Variants in PAK1 observed in about 807,000 individuals in gnomAD.
PAK1 encodes serine/threonine-protein kinase PAK 1.
In PAK1, 29 loss-of-function variants were observed where a neutral mutation model predicts 67.4. The ratio of observed to expected loss-of-function variants is 0.43; its 90% CI spans 0.32 to 0.59. The LOEUF (loss-of-function observed/expected upper bound fraction) is 0.59, where lower values mean the gene tolerates loss of function less well. PAK1 is among the 20% of genes least tolerant of loss of function. The pLI is 0.07. For missense variants in PAK1, 337 were observed against 670.7 expected, an observed-to-expected ratio of 0.50 and a Z score of 5.50; for synonymous variants, 223 against 237.4, an observed-to-expected ratio of 0.94 and a Z score of 0.56.
At chr11:77,336,661 C>T (rs938869438) in intron 12 of PAK1, among the ~76,000 whole-genome samples, 3 of 152,096 alleles carry the variant, frequency 2.0e-5, no homozygotes, top group Non-Finnish European at 4.4e-5. Context: ...ATTCCTTGGG[C>T]ACGAGTCCTT....
At chr11:77,383,326 T>C (rs2137183762) in intron 2 of PAK1, among the ~76,000 whole-genome samples, 1 of 150,678 alleles carries the variant, frequency 6.6e-6, no homozygotes, top group South Asian at 2.1e-4. Context: ...GTGTAATTTT[T>C]TTTTTTTTTT....
intron 12 of PAK1, 77 bp from the exon 13 acceptor site, chr11:77,336,359 C>A: frequency 1.8e-6 from 2 of 1,110,098 alleles, no homozygotes; most frequent in South Asian, 3.3e-5. Context: ...TGTGTACCTA[C>A]ACATAGGTGA....
chr11:77,453,517 A>T (rs1225745329), intron 1 of PAK1, among the ~76,000 whole-genome samples: 1 of 71,318 alleles, frequency 1.4e-5, no homozygotes, highest in Admixed American at 1.1e-4. Flanking sequence ...GAGATATATT[A>T]AAAAAAAAAA....
intron 1 of PAK1, among the ~76,000 whole-genome samples, chr11:77,463,587 A>G (rs577175434): frequency 6.6e-6 from 1 of 152,330 alleles, no homozygotes; most frequent in South Asian, 2.1e-4. Context: ...TTAGCTAACA[A>G]TGAAATAGAG....
chr11:77,457,544 C>T (rs765236427), intron 1 of PAK1, among the ~76,000 whole-genome samples: 6 of 152,140 alleles, frequency 3.9e-5, no homozygotes, highest in Non-Finnish European at 8.8e-5. Flanking sequence ...GCACAAACCT[C>T]CAGCAGATAG....
chr11:77,422,511 C>T lies in PAK1; in HGVS notation c.-21-29970G>A, dbSNP rs1043365444. ...CGGAGGTTGCAGTAAGCCGAGATCGCGCCATTGGACTCCAGCCTGGGCAAC... is the reference window on the plus strand; with the variant it reads ...CGGAGGTTGCAGTAAGCCGAGATCGTGCCATTGGACTCCAGCCTGGGCAAC... On this transcript the variant is annotated intron_variant, in intron 1 of 14. Transcript: ENST00000356341. 4.6e-5 allele frequency among the ~76,000 whole-genome samples: 7 copies of T among 151,104 alleles called. No homozygotes were observed. In the South Asian group the frequency reaches 8.4e-4, roughly 18 times the overall value.
At chr11:77,346,976 A>G (rs1944520185) in intron 9 of PAK1, 2 of 455,146 alleles carry the variant, frequency 4.4e-6, no homozygotes, top group Non-Finnish European at 8.8e-6. Context: ...TTCTTCCTAT[A>G]TGTGAGACAC....
chr11:77,327,219 T>C (rs546777056), intron 14 of PAK1, among the ~76,000 whole-genome samples: 226 of 152,312 alleles, frequency 1.5e-3, no homozygotes, highest in African/African-American at 5.2e-3. Context: ...TGCAGTATAT[T>C]ATCCAGGAGA....
At position 77,438,749 on chromosome 11, in the gene PAK1, T is replaced by C. The variant is rs374100237; in HGVS notation, c.-22+34803A>G. Among the ~76,000 whole-genome samples, 8 of 152,354 alleles carry C rather than the reference T, an allele frequency of 5.3e-5. No homozygotes were observed. In the East Asian group the frequency reaches 1.2e-3, roughly 22 times the overall value. ...CGTCAGTTCTGTCACAGAACCTCTG[T>C]GTATGACATTGGGCAGATGGCTTTA... On this transcript the variant is annotated intron_variant, in intron 1 of 14. Coordinates refer to ENST00000356341, the MANE Select transcript of PAK1 (RefSeq NM_002576.5).
the PAK1 span, among the ~76,000 whole-genome samples, chr11:77,488,636 G>A: frequency 2.2e-4 from 34 of 152,034 alleles, no homozygotes; most frequent in South Asian, 1.0e-3. Context: ...TTCTGGAGGT[G>A]AAAAATACAA....
At chr11:77,442,325 T>G (rs944890270) in intron 1 of PAK1, among the ~76,000 whole-genome samples, 1 of 152,152 alleles carries the variant, frequency 6.6e-6, no homozygotes, top group Admixed American at 6.5e-5. Flanking sequence ...GAAGTGATGG[T>G]ATGTCACTTC....
At chr11:77,519,476 C>T in the PAK1 span, among the ~76,000 whole-genome samples, 1 of 152,222 alleles carries the variant, frequency 6.6e-6, no homozygotes, top group Admixed American at 6.5e-5. Context: ...GGGGGCATCT[C>T]AAGAGGTACA....
chr11:77,472,352 T>C (rs979341708), intron 1 of PAK1, among the ~76,000 whole-genome samples: 8 of 152,130 alleles, frequency 5.3e-5, no homozygotes, highest in African/African-American at 1.9e-4. Flanking sequence ...ATTTTCCAAA[T>C]AGGAACCAAA....
chr11:77,523,258 T>G, the PAK1 span, among the ~76,000 whole-genome samples: 1 of 152,182 alleles, frequency 6.6e-6, no homozygotes, highest in Non-Finnish European at 1.5e-5. Flanking sequence ...TTCTTATCCT[T>G]AAGAGATACA....
chr11:77,399,532 T>C (rs547909981), intron 1 of PAK1, among the ~76,000 whole-genome samples: 1 of 152,280 alleles, frequency 6.6e-6, no homozygotes, highest in East Asian at 1.9e-4. Flanking sequence ...AGAAGTATAT[T>C]AATATCTGTA....
chr11:77,443,292 A>G (rs1282721547), intron 1 of PAK1, among the ~76,000 whole-genome samples: 1 of 147,364 alleles, frequency 6.8e-6, no homozygotes. Context: ...CAACAGAGTG[A>G]GACTCCGTCT....
chr11:77,515,737 T>A, the PAK1 span, among the ~76,000 whole-genome samples: 1 of 152,246 alleles, frequency 6.6e-6, no homozygotes, highest in African/African-American at 2.4e-5. Flanking sequence ...ATCCTTTTTT[T>A]ACTCCCAAAG....
At chr11:77,342,508 C>T (rs544081830) in intron 10 of PAK1, among the ~76,000 whole-genome samples, 1 of 152,240 alleles carries the variant, frequency 6.6e-6, no homozygotes, top group East Asian at 1.9e-4. Context: ...AAATCTAATA[C>T]CCCTGTCGCC....
the PAK1 span, among the ~76,000 whole-genome samples, chr11:77,518,476 A>G: frequency 6.6e-6 from 1 of 152,202 alleles, no homozygotes; most frequent in Non-Finnish European, 1.5e-5. Context: ...TTACAGGGCT[A>G]AAAATTATTC....
Sources: allele counts gnomAD v4.1 joint callset (sites outside exome capture counted in the v4.1 genomes callset), GRCh38; gene constraint gnomAD v4.1.1; transcripts MANE v1.5; gene names NCBI Gene and HGNC (gene_info 2026-07-23, HGNC 2026-07-21).